GLT8D1: variants seen among roughly 807,000 people sequenced by gnomAD.
The protein encoded by GLT8D1 is glycosyltransferase 8 domain containing 1, also known as glycosyltransferase 8 domain-containing protein 1.
A neutral mutation model predicts 46.2 loss-of-function variants in GLT8D1; 41 were observed. That is an observed-to-expected ratio of 0.89 (90% CI 0.69 to 1.15). The LOEUF is 1.15. GLT8D1 is among the 50% of genes most tolerant of loss of function. The pLI, the probability that GLT8D1 is intolerant of heterozygous loss-of-function variation, is 0.00. For synonymous variants in GLT8D1, 150 were observed against 154.2 expected (o/e 0.97, Z 0.20); for missense variants, 408 against 449.3 (o/e 0.91, Z 0.83).
intron 5 of GLT8D1, 70 bp downstream of exon 5, chr3:52,696,472 C>T: frequency 9.8e-7 from 1 of 1,018,480 alleles, no homozygotes; most frequent in Non-Finnish European, 1.6e-6. Flanking sequence ...TTGCACTATA[C>T]CCACAGATAC....
Sources: gnomAD v4.1 joint callset for allele counts on GRCh38, gnomAD v4.1.1 for gene constraint, MANE v1.5 for transcripts, NCBI Gene and HGNC (gene_info 2026-07-23, HGNC 2026-07-21) for gene names.